PAX8: variants seen among roughly 807,000 people sequenced by gnomAD.
The protein encoded by PAX8 is paired box protein Pax-8.
PAX8 carries 15 observed loss-of-function variants against 52.4 expected under a neutral mutation model. That is an observed-to-expected ratio of 0.29 (90% CI 0.19 to 0.44). PAX8 has a LOEUF of 0.44. Ranked by LOEUF, PAX8 falls within the 20% of genes least tolerant of loss-of-function variation. The pLI is 1.00. For missense variants in PAX8, 554 were observed against 602.5 expected, an observed-to-expected ratio of 0.92 and a Z score of 0.84; for synonymous variants, 284 against 249.7, an observed-to-expected ratio of 1.14 and a Z score of -1.29.
At chr2:113,218,730 C>T (rs962446200) in intron 11 of PAX8, 121 bp from the exon 12 acceptor site, 3 of 614,170 alleles carry the variant, frequency 4.9e-6, no homozygotes, top group Non-Finnish European at 8.6e-6. Flanking sequence ...TTTCTCTGGC[C>T]TATCTGATCA....
chr2:113,277,196 A>G lies in PAX8; in HGVS notation c.25+1174T>C, dbSNP rs186435026. ...ATTCTGGCCCAGGTCTCTGAGGGGA[A>G]TGGGGGCCGGGAGGGAGCATTCGTC... On this transcript the variant is annotated intron_variant, in intron 2 of 11. Coordinates refer to ENST00000429538, the MANE Select transcript of PAX8 (RefSeq NM_003466.4). 6.3e-3 allele frequency among the ~76,000 whole-genome samples: 962 copies of G among 152,220 alleles called. 2 individuals are homozygous for G. The highest frequency in any genetic ancestry group is 7.3e-3 in the Non-Finnish European group (493 of 67,980).
intron 7 of PAX8, chr2:113,238,220 C>G (rs1328176532): frequency 6.6e-6 from 1 of 152,152 alleles, no homozygotes; most frequent in Admixed American, 6.5e-5. Flanking sequence ...CAGGTGCGTG[C>G]TACCATGCCA....
At position 113,217,673 on chromosome 2, in the gene PAX8, G is replaced by A. The variant is rs901428744; in HGVS notation, c.*860C>T. The A allele has an allele frequency of 1.3e-5, 3 of 232,142 alleles. No individual in the cohort carries two copies. The highest frequency in any genetic ancestry group is 1.7e-5 in the Non-Finnish European group (2 of 117,460). 14.4% of individuals were successfully genotyped at this position (232,142 alleles called of 1,614,324 possible). ...AAGCACATTTGGCTTGGCAGGAGCT[G>A]TCAGGAAGGGGAAGCGGGTTTCCTG... On this transcript the variant is annotated 3_prime_UTR_variant, in exon 12 of 12. Coordinates refer to ENST00000429538, the MANE Select transcript of PAX8 (RefSeq NM_003466.4).
intron 7 of PAX8, chr2:113,237,206 T>C (rs1690434738): frequency 6.4e-6 from 1 of 156,492 alleles, no homozygotes; most frequent in South Asian, 1.9e-4. Flanking sequence ...GGGATCAGAA[T>C]GTGTCTGCTC....
At chr2:113,225,774 C>T (rs1689524809) in intron 10 of PAX8, 2 of 270,186 alleles carry the variant, frequency 7.4e-6, no homozygotes, top group Non-Finnish European at 1.1e-5. Flanking sequence ...GTTTCTTCCT[C>T]CTCCTCTAAG....
At chr2:113,246,621 G>A (rs1251492338) in intron 3 of PAX8, 133 bp downstream of exon 3, 1 of 962,354 alleles carries the variant, frequency 1.0e-6, no homozygotes. Flanking sequence ...TAACTGTTCA[G>A]GTCTCAGGAC....
intron 9 of PAX8, among the ~76,000 whole-genome samples, chr2:113,234,050 T>C (rs1280048536): frequency 6.6e-6 from 1 of 152,238 alleles, no homozygotes; most frequent in Non-Finnish European, 1.5e-5. Flanking sequence ...CATTTACTTC[T>C]GTCACTAAAT....
chr2:113,278,469 C>G lies in PAX8; in HGVS notation c.-75G>C. The G allele has an allele frequency of 6.2e-7, 1 of 1,600,306 alleles. No individual in the cohort carries two copies. Among genetic ancestry groups the G allele is most frequent in the Non-Finnish European group, 8.5e-7 (1 of 1,174,186 alleles). The stretch of plus-strand genomic sequence containing the variant: ...AGGTCCGGGCCGCGCCTGCCGCTGC[C>G]CTGCACAAACCCAGGAGAAGGGCAT... On this transcript the variant is annotated splice_region_variant and 5_prime_UTR_variant, in exon 2 of 12. Coordinates refer to ENST00000429538, the MANE Select transcript of PAX8 (RefSeq NM_003466.4).
At chr2:113,227,400 C>T (rs1005058265) in intron 9 of PAX8, 144 bp from the exon 10 acceptor site, 11 of 699,088 alleles carry the variant, frequency 1.6e-5, no homozygotes, top group Non-Finnish European at 2.7e-5. Flanking sequence ...TGCCCCCACT[C>T]CTCATCTGAG....
At chr2:113,222,040 C>G (rs777134628) in intron 10 of PAX8, among the ~76,000 whole-genome samples, 1 of 152,186 alleles carries the variant, frequency 6.6e-6, no homozygotes, top group African/African-American at 2.4e-5. Context: ...ATAATCTACT[C>G]TAAACATCTG....
intron 7 of PAX8, chr2:113,238,150 A>G (rs190299807): frequency 1.3e-5 from 2 of 149,880 alleles, no homozygotes; most frequent in Admixed American, 1.3e-4. Context: ...GCTTACTGCA[A>G]CCTCTGCTTC....
intron 2 of PAX8, among the ~76,000 whole-genome samples, chr2:113,265,273 A>G (rs1004844511): frequency 2.6e-5 from 4 of 152,236 alleles, no homozygotes; most frequent in African/African-American, 9.7e-5. Context: ...ACTGCCAACA[A>G]CAGAAGCGTG....
intron 10 of PAX8, among the ~76,000 whole-genome samples, chr2:113,221,100 G>A (rs994928030): frequency 6.6e-6 from 1 of 152,192 alleles, no homozygotes; most frequent in Non-Finnish European, 1.5e-5. Context: ...AGGTACTCAT[G>A]GATACTACCA....
chr2:113,231,377 A>G (rs1689878565), intron 9 of PAX8, among the ~76,000 whole-genome samples: 1 of 152,156 alleles, frequency 6.6e-6, no homozygotes, highest in Non-Finnish European at 1.5e-5. Flanking sequence ...TTCCAAAGGG[A>G]ACTGGCAGCA....
rs190671185 is a variant in PAX8, at chr2:113,262,065, G to A, written c.26-15146C>T. Among the ~76,000 whole-genome samples, 523 of 152,304 alleles carry A rather than the reference G, an allele frequency of 3.4e-3. 1 individual carries two copies. The highest frequency in any genetic ancestry group is 5.9e-3 in the Non-Finnish European group (402 of 68,030). ...AGCTAGTCTCGAACTCCCAACCTCA[G>A]GTGATCCACCTGCCTCGGCCTCCCA... On this transcript the variant is annotated intron_variant, in intron 2 of 11. Coordinates refer to ENST00000429538, the MANE Select transcript of PAX8 (RefSeq NM_003466.4).
intron 10 of PAX8, chr2:113,226,666 A>ATTG (rs1689596031): frequency 1.9e-6 from 2 of 1,049,694 alleles, no homozygotes; most frequent in South Asian, 2.8e-5. Flanking sequence ...CATCATCGTC[A>ATTG]TCGTCATCAT....
At chr2:113,237,933 T>C (rs1045863435) in intron 7 of PAX8, 3 of 152,220 alleles carry the variant, frequency 2.0e-5, no homozygotes, top group African/African-American at 7.2e-5. Context: ...CTGGGCACTT[T>C]TGGAAGCTGC....
chr2:113,278,359 C>A lies in PAX8; in HGVS notation c.25+11G>T, dbSNP rs866375070. On this transcript the variant is annotated intron_variant, in intron 2 of 11. Transcript: ENST00000429538. ...GGGGGCTCGGGGATCCTGACCACAC[C>A]GCGTTCTTACCAGATCTGATGGAGT... 9 of 1,593,704 alleles carry A rather than the reference C, an allele frequency of 5.6e-6. No individual in the cohort carries two copies. The African/African-American group carries it at 1.1e-4, about 19-fold the overall frequency.
intron 2 of PAX8, chr2:113,273,401 T>G (rs1693596485): frequency 6.6e-6 from 1 of 152,214 alleles, no homozygotes; most frequent in Non-Finnish European, 1.5e-5. Context: ...ACTCTGCCAG[T>G]GTGTCCCTCA....
Sources: allele counts gnomAD v4.1 joint callset (sites outside exome capture counted in the v4.1 genomes callset), GRCh38; gene constraint gnomAD v4.1.1; transcripts MANE v1.5; gene names NCBI Gene and HGNC (gene_info 2026-07-23, HGNC 2026-07-21).